The following PLEKHG2 variants were observed in gnomAD, a reference collection of about 807,000 sequenced individuals.
The protein encoded by PLEKHG2 is pleckstrin homology and RhoGEF domain containing G2.
In PLEKHG2, 71 loss-of-function variants were observed where a neutral mutation model predicts 104.4. That is an observed-to-expected ratio of 0.68 (90% CI 0.56 to 0.83). The LOEUF (loss-of-function observed/expected upper bound fraction) is 0.83. PLEKHG2 is among the 40% of genes least tolerant of loss of function. The probability of loss-of-function intolerance (pLI) is 0.00; values close to 1 mark genes in which losing one functional copy is unlikely to be tolerated. For synonymous variants in PLEKHG2, 728 were observed against 737.0 expected, an observed-to-expected ratio of 0.99 and a Z score of 0.20; for missense variants, 1,730 against 1,809.4, an observed-to-expected ratio of 0.96 and a Z score of 0.80.
rs2078557202 is a variant in PLEKHG2 at position 39,413,797 on chromosome 19, T to C, written c.-22-268T>C. 1.3e-5 allele frequency: 3 copies of C among 223,046 alleles called. No homozygotes were observed. Among genetic ancestry groups the C allele is most frequent in the Non-Finnish European group, 2.7e-5 (3 of 109,178 alleles). The allele number at this position is 223,046 out of a possible 1,614,324, so 13.8% of individuals were successfully genotyped here. ...GGAGCCCAAACGTTCCCAGGATCCCTAAGCCTCCGGCCCCAGACAAACGGG... is the reference window on the plus strand; with the variant it reads ...GGAGCCCAAACGTTCCCAGGATCCCCAAGCCTCCGGCCCCAGACAAACGGG... On this transcript the variant is annotated intron_variant, in intron 1 of 18. Coordinates refer to ENST00000425673, the MANE Select transcript of PLEKHG2 (RefSeq NM_022835.3). This position sits in a 1 kb window ranked among gnomAD's most constrained non-coding sequence, Gnocchi z 4.5.
rs964708389 is a variant in PLEKHG2 at position 39,426,315 on chromosome 19, T to A, written c.*1021T>A. Reference sequence around the variant, plus strand: ...CTTGTACCCACTCACATACCTCAGATCCCTTCACTCCTCCCCGCAGTTTGC... The same window carrying A: ...CTTGTACCCACTCACATACCTCAGAACCCTTCACTCCTCCCCGCAGTTTGC... On this transcript the variant is annotated 3_prime_UTR_variant, in exon 19 of 19. Coordinates refer to ENST00000425673, the MANE Select transcript of PLEKHG2 (RefSeq NM_022835.3). The A allele has an allele frequency of 6.6e-6, 1 of 152,142 alleles. No homozygotes were observed. The highest frequency in any genetic ancestry group is 1.5e-5 in the Non-Finnish European group (1 of 68,062). 9.4% of individuals were successfully genotyped at this position (152,142 alleles called of 1,614,324 possible).
At position 39,423,400 on chromosome 19, in the gene PLEKHG2, A is replaced by G. The variant is rs768067888; in HGVS notation, c.2346A>G (p.Pro782=). 4 of 1,611,060 alleles carry G rather than the reference A, an allele frequency of 2.5e-6. No homozygotes were observed. The highest frequency in any genetic ancestry group is 1.1e-5 in the South Asian group (1 of 90,722). The change falls in exon 18 of 19, where the codon CCA becomes CCG. Residue 782 remains proline, a synonymous_variant. Transcript: ENST00000425673. Reference sequence around the variant, plus strand: ...TGGAACAGGGACAGCTGGCCCGGCCAGGCTTCCCAGAGCCACTGCTGATCC... The same window carrying G: ...TGGAACAGGGACAGCTGGCCCGGCCGGGCTTCCCAGAGCCACTGCTGATCC... The part of the protein sequence containing the change: ...QALEQGQLAR[P]GFPEPLLILE...
Position 39,416,499 on chromosome 19 carries a change from G to A in PLEKHG2, c.547-52G>A. Reference sequence around the variant, plus strand: ...CAGGCTTGGGCTAGGCTGGAAGGGGGGTCGTGGGAAGCCAGGACCTGGGGT... The same window carrying A: ...CAGGCTTGGGCTAGGCTGGAAGGGGAGTCGTGGGAAGCCAGGACCTGGGGT... On this transcript the variant is annotated intron_variant, in intron 5 of 18. Coordinates refer to ENST00000425673, the MANE Select transcript of PLEKHG2 (RefSeq NM_022835.3). The surrounding 1 kb of genome is among the most constrained non-coding windows in gnomAD (Gnocchi z 4.5). 6.2e-7 allele frequency: 1 copy of A among 1,612,402 alleles called. No homozygotes were observed. Among genetic ancestry groups the A allele is most frequent in the Non-Finnish European group, 8.5e-7 (1 of 1,178,854 alleles).
intron 16 of PLEKHG2, 142 bp from the exon 17 acceptor site, chr19:39,421,973 C>A: frequency 1.2e-6 from 1 of 800,504 alleles, no homozygotes; most frequent in Non-Finnish European, 1.8e-6. Context: ...GCAGAGATGG[C>A]GCCATTGCAC....
At position 39,420,556 on chromosome 19, in the gene PLEKHG2, G is replaced by C. The variant is rs940826295; in HGVS notation, c.1264-70G>C. 5.0e-6 allele frequency: 8 copies of C among 1,602,810 alleles called. No homozygotes were observed. In the African/African-American group the frequency reaches 8.0e-5, roughly 16 times the overall value. On this transcript the variant is annotated intron_variant, in intron 11 of 18. Coordinates refer to ENST00000425673, the MANE Select transcript of PLEKHG2 (RefSeq NM_022835.3). ...GCACCCATTAATGGGCATGACTACG[G>C]TGCTTAAAGTATCCTCTCTGTGGTA...
At chr19:39,420,906 C>G in intron 13 of PLEKHG2, 43 bp from the exon 14 acceptor site, 1 of 1,613,948 alleles carries the variant, frequency 6.2e-7, no homozygotes, top group Non-Finnish European at 8.5e-7. Flanking sequence ...CCCTAGGACC[C>G]GGGAGCTGGG....
Position 39,417,621 on chromosome 19 carries a change from G to C in PLEKHG2, c.811G>C (p.Val271Leu). 6.2e-7 allele frequency: 1 copy of C among 1,614,112 alleles called. No individual in the cohort carries two copies. The highest frequency in any genetic ancestry group is 8.5e-7 in the Non-Finnish European group (1 of 1,180,026). The change falls in exon 8 of 19, where the codon GTG becomes CTG. Residue 271 changes from valine to leucine, a missense_variant. Val to Leu is a conservative substitution (Grantham distance 32). Coordinates refer to ENST00000425673, the MANE Select transcript of PLEKHG2 (RefSeq NM_022835.3). ...GGREMVEEAIVSMTAVAWYIN... is the reference protein window; with the variant it reads ...GGREMVEEAILSMTAVAWYIN... The stretch of plus-strand genomic sequence containing the variant: ...TCGCGAGATGGTGGAGGAAGCTATT[G>C]TGTCCATGACAGCGGTTGCCTGGTA...
intron 9 of PLEKHG2, among the ~76,000 whole-genome samples, chr19:39,418,449 A>C (rs964063327): frequency 1.3e-5 from 2 of 151,958 alleles, no homozygotes; most frequent in South Asian, 2.1e-4. Flanking sequence ...CGTGGTGGCA[A>C]GTGCCTGTAA....
chr19:39,421,287 G>A lies in PLEKHG2; in HGVS notation c.1491G>A (p.Lys497=), dbSNP rs756618290. The A allele has an allele frequency of 1.2e-6, 2 of 1,613,878 alleles. No individual in the cohort carries two copies. Among genetic ancestry groups the A allele is most frequent in the East Asian group, 4.5e-5 (2 of 44,890 alleles). ...DPYVMFPQNA[K]PGFKHAGSEG... Reference sequence around the variant, plus strand: ...CTCTCATCTCTCCATCCTTAGCTAAGCCTGGATTCAAGGTAAGAGATATCT... The same window carrying A: ...CTCTCATCTCTCCATCCTTAGCTAAACCTGGATTCAAGGTAAGAGATATCT... The change falls in exon 16 of 19, where the codon AAG becomes AAA. Residue 497 remains lysine (K), a synonymous_variant. Coordinates refer to ENST00000425673, the MANE Select transcript of PLEKHG2 (RefSeq NM_022835.3).
chr19:39,419,034 T>A (rs749974522), intron 11 of PLEKHG2, 31 bp downstream of exon 11: 1 of 1,582,626 alleles, frequency 6.3e-7, no homozygotes, highest in Non-Finnish European at 8.6e-7. Flanking sequence ...GGGGGCCCTC[T>A]GAGTGCTGGA....
chr19:39,419,850 A>T (rs1452224065), intron 11 of PLEKHG2, among the ~76,000 whole-genome samples: 3 of 150,932 alleles, frequency 2.0e-5, no homozygotes, highest in Non-Finnish European at 4.4e-5. Flanking sequence ...TGCGCTCTCC[A>T]GACTGGGCAA....
At position 39,424,951 on chromosome 19, in the gene PLEKHG2, A is replaced by G. The variant is rs748396149; in HGVS notation, c.3818A>G (p.Asn1273Ser). 1.1e-4 allele frequency: 172 copies of G among 1,614,038 alleles called. 1 individual carries two copies. The highest frequency in any genetic ancestry group is 6.4e-4 in the South Asian group (58 of 91,094). ...TCCAGCCGTCAGCTCCTGGGCCCCA[A>G]TGCAGCTGCCCTCTCCAGATACCTG... is the stretch of plus-strand genomic sequence containing the variant. The part of the protein sequence containing the change: ...PPSSRQLLGP[N>S]AAALSRYLAA... Residue 1273 changes from asparagine (N) to serine (S), a missense_variant, in exon 19 of 19, where the codon AAT becomes AGT. Asn to Ser is a conservative substitution (Grantham distance 46). Transcript: ENST00000425673.
rs759356697 is a variant in PLEKHG2 at position 39,424,917 on chromosome 19, C to A, written c.3784C>A (p.Pro1262Thr). The change falls in exon 19 of 19, where the codon CCC becomes ACC. Residue 1262 changes from proline to threonine, a missense_variant. By Grantham distance (38) the Pro-to-Thr change is conservative. Transcript: ENST00000425673. Reference protein sequence around the residue: ...ESSDLTPPHSPPPSSRQLLGP... With the variant: ...ESSDLTPPHSTPPSSRQLLGP... ...TTCAGACTTGACGCCACCTCATAGT[C>A]CCCCACCTTCCAGCCGTCAGCTCCT... 3.7e-6 allele frequency: 6 copies of A among 1,614,206 alleles called. No individual in the cohort carries two copies. In the South Asian group the frequency reaches 6.6e-5, roughly 18 times the overall value.
chr19:39,423,935 T>G lies in PLEKHG2; in HGVS notation c.2802T>G (p.Ala934=), dbSNP rs774587129. The G allele has an allele frequency of 1.2e-6, 2 of 1,614,192 alleles. No individual in the cohort carries two copies. The highest frequency in any genetic ancestry group is 3.3e-5 in the Admixed American group (2 of 60,030). The change falls in exon 19 of 19, where the codon GCT becomes GCG. Residue 934 remains alanine (A), a synonymous_variant. Transcript: ENST00000425673. ...ACCTTCCGGGCATCCACGTTTCAGCTGCTACCCTTTTGCCTGAGCAAGGAG... is the reference window on the plus strand; with the variant it reads ...ACCTTCCGGGCATCCACGTTTCAGCGGCTACCCTTTTGCCTGAGCAAGGAG... ...KQDLPGIHVS[A]ATLLPEQGGS... is the part of the protein sequence containing the mutation.
rs1469050015 is a variant in PLEKHG2 at position 39,422,833 on chromosome 19, AG to A, written c.1780del (p.Glu594ArgfsTer196). On this transcript the variant is annotated frameshift_variant, in exon 18 of 19. Transcript: ENST00000425673. LOFTEE classifies it high-confidence loss of function. ...QALPSRDSSEEEEEEEEGLEM... is the reference protein window; with the variant it reads ...QALPSRDSSEXEEEEEEGLEM... Reference sequence around the variant, plus strand: ...CCCTGCCCAGCCGGGACTCTTCAGAAGAGGAGGAGGAGGAAGAGGAAGGGCT... The same window carrying A: ...CCCTGCCCAGCCGGGACTCTTCAGAAAGGAGGAGGAGGAAGAGGAAGGGCT... 1 of 1,562,216 alleles carries A rather than the reference AG, an allele frequency of 6.4e-7. No individual in the cohort carries two copies. Among genetic ancestry groups the A allele is most frequent in the African/African-American group, 1.4e-5 (1 of 73,804 alleles).
rs373442104 is a variant in PLEKHG2 at position 39,425,206 on chromosome 19, T to C, written c.4073T>C (p.Leu1358Ser). Residue 1358 changes from leucine (L) to serine (S), a missense_variant, in exon 19 of 19, where the codon TTG (leucine) becomes TCG (serine). Coordinates refer to ENST00000425673, the MANE Select transcript of PLEKHG2 (RefSeq NM_022835.3). ...RLRPAKAQVR[L>S]NHPALLASTQ... is the part of the protein sequence containing the mutation. ...CGGCCAGCCAAGGCCCAGGTCCGGT[T>C]GAACCACCCTGCTCTCTTGGCCTCC... The C allele has an allele frequency of 9.0e-5, 145 of 1,612,760 alleles. No individual in the cohort carries two copies. Among genetic ancestry groups the C allele is most frequent in the Non-Finnish European group, 1.2e-4 (138 of 1,179,846 alleles).
At position 39,416,895 on chromosome 19, in the gene PLEKHG2, C is replaced by T; in HGVS notation, c.639C>T (p.Ala213=). Residue 213 remains alanine (A), a synonymous_variant, in exon 7 of 19, where the codon GCC becomes GCT. Coordinates refer to ENST00000425673, the MANE Select transcript of PLEKHG2 (RefSeq NM_022835.3). The surrounding 1 kb of genome is among the most constrained non-coding windows in gnomAD (Gnocchi z 4.5). ...AGCTGTCGTTGTCTCCGCCAGCAGCCCTGTGGCTGCAGGAGCGCCAGGCCC... is the reference window on the plus strand; with the variant it reads ...AGCTGTCGTTGTCTCCGCCAGCAGCTCTGTGGCTGCAGGAGCGCCAGGCCC... The part of the protein sequence containing the change: ...LRELSLSPPA[A]LWLQERQAQL... 6.2e-7 allele frequency: 1 copy of T among 1,612,812 alleles called. No homozygotes were observed. The highest frequency in any genetic ancestry group is 8.5e-7 in the Non-Finnish European group (1 of 1,179,784).
rs2078762468 is a variant in PLEKHG2 at position 39,425,035 on chromosome 19, C to G, written c.3902C>G (p.Pro1301Arg). The change falls in exon 19 of 19, where the codon CCC becomes CGC. Residue 1301 changes from proline to arginine, a missense_variant. Coordinates refer to ENST00000425673, the MANE Select transcript of PLEKHG2 (RefSeq NM_022835.3). ...CGGCAGGGGCCTGGGGGAGGGGCCCCCGCAGCCTCCCGGGGCTCCTGGTCC... is the reference window on the plus strand; with the variant it reads ...CGGCAGGGGCCTGGGGGAGGGGCCCGCGCAGCCTCCCGGGGCTCCTGGTCC... The part of the protein sequence containing the change: ...ARRQGPGGGA[P>R]AASRGSWSSA... 1 of 1,598,622 alleles carries G rather than the reference C, an allele frequency of 6.3e-7. No individual in the cohort carries two copies. The highest frequency in any genetic ancestry group is 8.5e-7 in the Non-Finnish European group (1 of 1,172,526).
chr19:39,417,527 C>T, intron 7 of PLEKHG2, 28 bp from the exon 8 acceptor site: 1 of 1,610,246 alleles, frequency 6.2e-7, no homozygotes, highest in Non-Finnish European at 8.5e-7. Context: ...CTCTCCCCAT[C>T]CCTGCGTGCC....
Sources: allele counts gnomAD v4.1 joint callset (sites outside exome capture counted in the v4.1 genomes callset), GRCh38; gene constraint gnomAD v4.1.1; non-coding constraint Gnocchi (gnomAD v3.1); transcripts MANE v1.5; gene names NCBI Gene and HGNC (gene_info 2026-07-23, HGNC 2026-07-21).